The following ITPR1 variants were observed in gnomAD, a reference collection of about 807,000 sequenced individuals.
ITPR1 encodes inositol 1,4,5-trisphosphate-gated calcium channel ITPR1.
Under a neutral mutation model 318.4 loss-of-function variants are expected in ITPR1, and 96 were observed. The ratio of observed to expected loss-of-function variants is 0.30; its 90% confidence interval spans 0.26 to 0.36. The LOEUF (loss-of-function observed/expected upper bound fraction) is 0.36, where lower values mean the gene tolerates loss of function less well. ITPR1 is among the 10% of genes least tolerant of loss of function. The pLI, the probability that ITPR1 is intolerant of heterozygous loss-of-function variation, is 1.00. For missense variants in ITPR1, 2,440 were observed against 3,460.2 expected (o/e 0.71, Z 7.40); for synonymous variants, 1,312 against 1,289.9 (o/e 1.02, Z -0.37).
chr3:4,683,957 A>G (rs1267005149), intron 28 of ITPR1, among the ~76,000 whole-genome samples, 159 bp downstream of exon 28: 1 of 152,202 alleles, frequency 6.6e-6, no homozygotes, highest in East Asian at 1.9e-4. Flanking sequence ...CTAGGAAATA[A>G]GCTACGAATC....
At chr3:4,567,693 C>T (rs1388957630) in intron 4 of ITPR1, among the ~76,000 whole-genome samples, 1 of 152,116 alleles carries the variant, frequency 6.6e-6, no homozygotes, top group Admixed American at 6.5e-5. Flanking sequence ...CAACCTCCTC[C>T]TGGGCTCAAG....
intron 51 of ITPR1, among the ~76,000 whole-genome samples, chr3:4,785,527 C>A (rs144956439): frequency 9.3e-4 from 142 of 151,954 alleles, no homozygotes; most frequent in African/African-American, 3.2e-3. Context: ...TAAAACACAT[C>A]ATTTCACTGA....
chr3:4,689,316 C>CACTA (rs1216155592), intron 31 of ITPR1, among the ~76,000 whole-genome samples: 8 of 52,216 alleles, frequency 1.5e-4, no homozygotes, highest in East Asian at 1.4e-3. Flanking sequence ...TGCATGCACA[C>CACTA]ACTCACTCAC....
intron 4 of ITPR1, among the ~76,000 whole-genome samples, chr3:4,619,845 C>T (rs1421261450): frequency 6.9e-6 from 1 of 144,980 alleles, no homozygotes; most frequent in Non-Finnish European, 1.5e-5. Context: ...CTCCCCTCTC[C>T]TTCTCTCTTT....
In ITPR1 at chr3:4,608,652, A is replaced by G. The variant is rs552941003; in HGVS notation, c.164-19111A>G. On this transcript the variant is annotated intron_variant, in intron 4 of 61. Transcript: ENST00000649015. ...TGTGTAGAAGCCAGGGATGCTGTTC[A>G]GCATCTTACAAGATACAGGACACCC... 2.0e-5 allele frequency among the ~76,000 whole-genome samples: 3 copies of G among 152,176 alleles called. No individual in the cohort carries two copies. In the South Asian group the frequency reaches 6.2e-4, roughly 32 times the overall value.
intron 4 of ITPR1, among the ~76,000 whole-genome samples, chr3:4,549,526 C>T (rs900731121): frequency 2.0e-5 from 3 of 147,488 alleles, no homozygotes; most frequent in Non-Finnish European, 4.6e-5. Context: ...CCCTTCCTTC[C>T]TCCCTTCCTC....
rs566419398 is a variant in ITPR1, at chr3:4,684,445, T to C, written c.3564+99T>C. Reference sequence around the variant, plus strand: ...GTTGAAGGTACACACATTTGAGCTTTTTTCTTCATGTGGTTTAACAGGGAG... The same window carrying C: ...GTTGAAGGTACACACATTTGAGCTTCTTTCTTCATGTGGTTTAACAGGGAG... On this transcript the variant is annotated intron_variant, in intron 29 of 61. Coordinates refer to ENST00000649015, the MANE Select transcript of ITPR1 (RefSeq NM_001378452.1). 22 of 844,916 alleles carry C rather than the reference T, an allele frequency of 2.6e-5. 1 individual carries two copies. The South Asian group carries it at 3.5e-4, about 13-fold the overall frequency. 52.3% of individuals were successfully genotyped at this position (844,916 alleles called of 1,614,324 possible).
chr3:4,499,791 T>A (rs1424572707), intron 2 of ITPR1, among the ~76,000 whole-genome samples: 4 of 152,212 alleles, frequency 2.6e-5, no homozygotes, highest in Non-Finnish European at 5.9e-5. Flanking sequence ...AGAGGCTTCA[T>A]CAAAGTTAGG....
intron 4 of ITPR1, among the ~76,000 whole-genome samples, chr3:4,553,284 G>A (rs947433180): frequency 6.6e-6 from 1 of 152,124 alleles, no homozygotes; most frequent in Non-Finnish European, 1.5e-5. Context: ...GTGAATTACA[G>A]GACCAAAGAC....
intron 4 of ITPR1, among the ~76,000 whole-genome samples, chr3:4,626,602 A>T (rs1020985849): frequency 6.6e-6 from 1 of 152,164 alleles, no homozygotes; most frequent in African/African-American, 2.4e-5. Flanking sequence ...TGTCCATTTT[A>T]TGAATGTTGG....
rs138620196 is a variant in ITPR1, at chr3:4,806,435, ACAGGAATTGGGTCAGCC to A, written c.7272+177_7272+193del. Among the ~76,000 whole-genome samples the A allele has an allele frequency of 6.6e-3, 1,005 of 152,302 alleles. 13 individuals are homozygous for A. Among genetic ancestry groups the A allele is most frequent in the African/African-American group, 0.023 (949 of 41,566 alleles). On this transcript the variant is annotated intron_variant, in intron 55 of 61. Coordinates refer to ENST00000649015, the MANE Select transcript of ITPR1 (RefSeq NM_001378452.1). The stretch of plus-strand genomic sequence containing the variant: ...TTGGGGGATCTGAGAGGAAAGCTCC[ACAGGAATTGGGTCAGCC>A]CAGGAATTCAAGAGTCACACAACCG...
At chr3:4,814,630 A>T (rs2049169892) in intron 58 of ITPR1, 68 bp downstream of exon 58, 3 of 1,385,008 alleles carry the variant, frequency 2.2e-6, no homozygotes, top group Admixed American at 1.9e-5. Flanking sequence ...AGCACCATGC[A>T]GCGGTGTTGA....
At chr3:4,672,077 A>T (rs1215001423) in intron 20 of ITPR1, among the ~76,000 whole-genome samples, 1 of 152,200 alleles carries the variant, frequency 6.6e-6, no homozygotes, top group Non-Finnish European at 1.5e-5. Context: ...TCACATTTTC[A>T]TCGCTGTTTG....
At chr3:4,812,968 C>G (rs1177053067) in intron 56 of ITPR1, 174 bp from the exon 57 acceptor site, 24 of 614,936 alleles carry the variant, frequency 3.9e-5, no homozygotes, top group Non-Finnish European at 1.7e-5. Context: ...GCTTTTTTCC[C>G]ATCCAGATCA....
At chr3:4,812,516 A>G (rs74443115) in intron 56 of ITPR1, among the ~76,000 whole-genome samples, 1 of 152,044 alleles carries the variant, frequency 6.6e-6, no homozygotes. Flanking sequence ...TCTGAGAGTG[A>G]AAAAAAATGA....
At chr3:4,730,419 G>GTT (rs79725720) in intron 42 of ITPR1, among the ~76,000 whole-genome samples, 32,693 of 105,374 alleles carry the variant, frequency 0.31, 5,859 homozygotes, top group Non-Finnish European at 0.39. Context: ...GTGTGTGTGT[G>GTT]TTTCCCCCAG....
At chr3:4,502,255 T>C (rs1191760468) in intron 2 of ITPR1, among the ~76,000 whole-genome samples, 1 of 152,222 alleles carries the variant, frequency 6.6e-6, no homozygotes, top group Admixed American at 6.5e-5. Context: ...AAGTTTTTTA[T>C]GATACTTGAA....
chr3:4,538,302 G>A lies in ITPR1; in HGVS notation c.163+17208G>A, dbSNP rs552917171. On this transcript the variant is annotated intron_variant, in intron 4 of 61. Transcript: ENST00000649015. ...GCCAAGAAACATATGAAAAAAGCTC[G>A]ACATCACTGATCATTAGAGAAATGC... is the stretch of plus-strand genomic sequence containing the variant. Among the ~76,000 whole-genome samples, 12 of 152,166 alleles carry A rather than the reference G, an allele frequency of 7.9e-5. No homozygotes were observed. In the South Asian group the frequency reaches 2.1e-3, roughly 26 times the overall value.
intron 53 of ITPR1, among the ~76,000 whole-genome samples, chr3:4,796,755 G>C (rs1232580102): frequency 6.6e-6 from 1 of 152,122 alleles, no homozygotes; most frequent in Non-Finnish European, 1.5e-5. Flanking sequence ...TAAGGTCTCT[G>C]CCTGGCTCCT....
Sources: gnomAD v4.1 joint callset for allele counts (sites outside exome capture counted in the v4.1 genomes callset) on GRCh38, gnomAD v4.1.1 for gene constraint, MANE v1.5 for transcripts, NCBI Gene and HGNC (gene_info 2026-07-23, HGNC 2026-07-21) for gene names.